The following NDEL1 variants were observed in gnomAD, a reference collection of about 807,000 sequenced individuals.
The protein encoded by NDEL1 is nudE neurodevelopment protein 1 like 1.
NDEL1 carries 9 observed loss-of-function variants against 45.7 expected under a neutral mutation model. That is an observed-to-expected ratio of 0.20 (90% CI 0.12 to 0.34). The LOEUF (loss-of-function observed/expected upper bound fraction) is 0.34, where lower values mean the gene tolerates loss of function less well. Ranked by LOEUF, NDEL1 falls within the 10% of genes least tolerant of loss-of-function variation. The pLI, the probability that NDEL1 is intolerant of heterozygous loss-of-function variation, is 1.00. For missense variants in NDEL1, 306 were observed against 406.2 expected (o/e 0.75, Z 2.12); for synonymous variants, 133 against 158.6 (o/e 0.84, Z 1.21).
intron 1 of NDEL1, among the ~76,000 whole-genome samples, chr17:8,430,239 C>G (rs1908965517): frequency 6.6e-6 from 1 of 152,192 alleles, no homozygotes; most frequent in East Asian, 1.9e-4. Flanking sequence ...CCATTAGCAA[C>G]TGGCCAGTCA....
At chr17:8,468,313 C>T (rs75674204), downstream of NDEL1, among the ~76,000 whole-genome samples, 465 of 152,312 alleles carry the variant, frequency 3.1e-3, 2 homozygotes, top group Middle Eastern at 0.014. Flanking sequence ...GTCTTATGTG[C>T]GGAGCAGGCG....
At chr17:8,441,727 T>A (rs1472424471) in intron 1 of NDEL1, among the ~76,000 whole-genome samples, 1 of 152,196 alleles carries the variant, frequency 6.6e-6, no homozygotes, top group African/African-American at 2.4e-5. Context: ...TTTTTCTTGG[T>A]GTCATCCGTC....
intron 8 of NDEL1, 128 bp downstream of exon 8, chr17:8,460,288 A>C (rs927458622): frequency 4.0e-6 from 4 of 1,005,956 alleles, no homozygotes; most frequent in Non-Finnish European, 5.7e-6. Context: ...TTATCATTCT[A>C]ATCTTAGGTG....
At chr17:8,469,960 G>T (rs1012461061), downstream of NDEL1, among the ~76,000 whole-genome samples, 1 of 149,440 alleles carries the variant, frequency 6.7e-6, no homozygotes, top group Admixed American at 6.8e-5. Flanking sequence ...CACCCGCCTC[G>T]GCCTCCCAAA....
intron 3 of NDEL1, among the ~76,000 whole-genome samples, chr17:8,446,515 A>G (rs972679725): frequency 6.6e-6 from 1 of 152,212 alleles, no homozygotes; most frequent in African/African-American, 2.4e-5. Flanking sequence ...GATTTTTTAT[A>G]TTAGTTCTTT....
chr17:8,432,494 C>T (rs1435672314), upstream of NDEL1, among the ~76,000 whole-genome samples: 3 of 151,204 alleles, frequency 2.0e-5, no homozygotes, highest in Non-Finnish European at 4.4e-5. Flanking sequence ...ATGCCATTCT[C>T]CTGCCTCAGC....
At chr17:8,458,853 C>G (rs191432042) in intron 7 of NDEL1, among the ~76,000 whole-genome samples, 225 of 152,114 alleles carry the variant, frequency 1.5e-3, no homozygotes, top group Non-Finnish European at 2.5e-3. Context: ...TAGCCTCCTG[C>G]GTAGCTGGGA....
downstream of NDEL1, among the ~76,000 whole-genome samples, chr17:8,469,929 A>G (rs1911795453): frequency 7.2e-6 from 1 of 138,614 alleles, no homozygotes; most frequent in Non-Finnish European, 1.5e-5. Flanking sequence ...GCTGGTCTTG[A>G]ACTCTTGACC....
chr17:8,435,770 G>A (rs1179240724), upstream of NDEL1: 3 of 362,968 alleles, frequency 8.3e-6, no homozygotes, highest in Non-Finnish European at 1.6e-5. Flanking sequence ...CCGGGCTCTG[G>A]CCCGCCCCCT....
At chr17:8,463,117 G>A (rs1597559267) in intron 8 of NDEL1, 3 of 456,430 alleles carry the variant, frequency 6.6e-6, no homozygotes, top group Non-Finnish European at 1.2e-5. Context: ...ATTTCATGTG[G>A]AGTGTGGTCG....
intron 1 of NDEL1, among the ~76,000 whole-genome samples, chr17:8,414,956 C>T (rs1048637543): frequency 8.5e-5 from 13 of 152,264 alleles, no homozygotes; most frequent in African/African-American, 2.4e-4. Flanking sequence ...TTCTCTTATT[C>T]CTCAGAGACA....
At chr17:8,456,832 C>G (rs1434506250) in intron 7 of NDEL1, among the ~76,000 whole-genome samples, 3 of 152,258 alleles carry the variant, frequency 2.0e-5, no homozygotes, top group Non-Finnish European at 2.9e-5. Flanking sequence ...GCTGTTCTCT[C>G]CCTTTCTTCC....
At chr17:8,426,765 A>T (rs1908842987) in intron 1 of NDEL1, among the ~76,000 whole-genome samples, 1 of 152,142 alleles carries the variant, frequency 6.6e-6, no homozygotes. Context: ...ATCAAGTTCC[A>T]TCAATAGGGG....
At position 8,446,916 on chromosome 17, in the gene NDEL1, T is replaced by G; in HGVS notation, c.389+14T>G. The G allele has an allele frequency of 6.2e-7, 1 of 1,611,150 alleles. No individual in the cohort carries two copies. Among genetic ancestry groups the G allele is most frequent in the Non-Finnish European group, 8.5e-7 (1 of 1,178,408 alleles). ...GCGAGCCAAAAGGTAAACGAATGACTGCATTTTGTTAGAAAAAAACCACCT... is the reference window on the plus strand; with the variant it reads ...GCGAGCCAAAAGGTAAACGAATGACGGCATTTTGTTAGAAAAAAACCACCT... On this transcript the variant is annotated intron_variant, in intron 4 of 8. Coordinates refer to ENST00000334527, the MANE Select transcript of NDEL1 (RefSeq NM_030808.5).
intron 8 of NDEL1, among the ~76,000 whole-genome samples, chr17:8,462,164 G>T (rs1466610918): frequency 2.0e-5 from 3 of 151,808 alleles, no homozygotes; most frequent in Non-Finnish European, 4.4e-5. Context: ...TTCCTGAGCT[G>T]AACCCGGAAA....
At chr17:8,464,899 A>C (rs1275750738) in intron 8 of NDEL1, 1 of 152,228 alleles carries the variant, frequency 6.6e-6, no homozygotes, top group South Asian at 2.1e-4. Context: ...CTTACGGTGC[A>C]CTTGAAAATG....
intron 8 of NDEL1, chr17:8,466,334 GTATA>G (rs1340982138): frequency 3.9e-5 from 6 of 152,770 alleles, no homozygotes; most frequent in African/African-American, 1.5e-4. Context: ...TATAATGTAT[GTATA>G]TATACATTTA....
At chr17:8,451,491 A>G (rs933924543) in intron 6 of NDEL1, among the ~76,000 whole-genome samples, 14 of 152,220 alleles carry the variant, frequency 9.2e-5, no homozygotes, top group African/African-American at 3.4e-4. Context: ...TCATTAAGTT[A>G]TCTTTCAGAC....
At chr17:8,434,852 A>G (rs922863226), upstream of NDEL1, among the ~76,000 whole-genome samples, 33 of 151,692 alleles carry the variant, frequency 2.2e-4, no homozygotes, top group Admixed American at 4.6e-4. Flanking sequence ...CGGGCGGATC[A>G]CGAGGTCAGG....
Sources: allele counts gnomAD v4.1 joint callset (sites outside exome capture counted in the v4.1 genomes callset), GRCh38; gene constraint gnomAD v4.1.1; transcripts MANE v1.5; gene names NCBI Gene and HGNC (gene_info 2026-07-23, HGNC 2026-07-21).